The following OTC variants were observed in gnomAD, a reference collection of about 807,000 sequenced individuals.
OTC encodes the protein ornithine transcarbamylase, mitochondrial.
Under a neutral mutation model 30.3 loss-of-function variants are expected in OTC, and 3 were observed. The observed-to-expected ratio is 0.10, with a 90% confidence interval of 0.05 to 0.26. The LOEUF is 0.26. OTC is among the 10% of genes least tolerant of loss of function. The pLI, the probability that OTC is intolerant of heterozygous loss-of-function variation, is 1.00. For synonymous variants in OTC, 111 were observed against 99.7 expected (o/e 1.11, Z -0.67); for missense variants, 194 against 260.3 (o/e 0.75, Z 1.75).
intron 4 of OTC, among the ~76,000 whole-genome samples, chrX:38,384,337 G>A (rs766316926): frequency 9.0e-6 from 1 of 111,711 alleles, no homozygotes; most frequent in Admixed American, 9.5e-5. Flanking sequence ...AGAAAAAGGA[G>A]TAGAGTAGCT....
rs780493982 is a variant in OTC, at chrX:38,374,744, T to A, written c.298+4867T>A. 7.0e-4 allele frequency among the ~76,000 whole-genome samples: 78 copies of A among 112,003 alleles called. 3 individuals are homozygous for A. The highest frequency in any genetic ancestry group is 6.5e-3 in the East Asian group (23 of 3,527). ...AGACCTACCAGGAGGTCCGAAACTT[T>A]GTTTGAAGTCTTCATCCATAGTCCT... On this transcript the variant is annotated intron_variant, in intron 3 of 9. Coordinates refer to ENST00000039007, the MANE Select transcript of OTC (RefSeq NM_000531.6).
At chrX:38,392,870 C>T (rs985646843) in intron 4 of OTC, among the ~76,000 whole-genome samples, 2 of 112,361 alleles carry the variant, frequency 1.8e-5, no homozygotes, top group Non-Finnish European at 3.8e-5. Flanking sequence ...AGGGATATTC[C>T]GCACTCTTTG....
At chrX:38,344,317 C>A in the OTC span, among the ~76,000 whole-genome samples, 1 of 110,042 alleles carries the variant, frequency 9.1e-6, no homozygotes, top group East Asian at 2.9e-4. Flanking sequence ...GGGTGATTTC[C>A]TTTACTATAA....
At chrX:38,397,301 G>A (rs1569278624) in intron 4 of OTC, among the ~76,000 whole-genome samples, 2 of 111,325 alleles carry the variant, frequency 1.8e-5, no homozygotes, top group African/African-American at 6.5e-5. Flanking sequence ...TGAAAAATGG[G>A]AGCTCCTTTA....
the OTC span, among the ~76,000 whole-genome samples, chrX:38,336,394 G>A: frequency 9.2e-6 from 1 of 108,619 alleles, no homozygotes; most frequent in East Asian, 2.9e-4. Context: ...CCAACCAGAA[G>A]CTAGAAGATA....
At chrX:38,354,300 C>G (rs1325080872) in intron 1 of OTC, among the ~76,000 whole-genome samples, 1 of 111,623 alleles carries the variant, frequency 9.0e-6, no homozygotes, top group Non-Finnish European at 1.9e-5. Context: ...GACCAATGTT[C>G]ATTATTTATT....
intron 4 of OTC, among the ~76,000 whole-genome samples, chrX:38,386,229 C>G (rs1018166558): frequency 5.6e-5 from 6 of 107,345 alleles, no homozygotes; most frequent in Non-Finnish European, 1.2e-4. Flanking sequence ...AAAAATTAGC[C>G]AGGCGTGGTG....
At chrX:38,371,878 A>G (rs558655047) in intron 3 of OTC, among the ~76,000 whole-genome samples, 1 of 112,466 alleles carries the variant, frequency 8.9e-6, no homozygotes, top group Middle Eastern at 4.6e-3. Flanking sequence ...AGCAATTCTC[A>G]AATTCTGCTC....
chrX:38,352,715 A>G lies in OTC; in HGVS notation c.19A>G (p.Ile7Val), dbSNP rs767170971. ...AAAGAAGATGCTGTTTAATCTGAGG[A>G]TCCTGTTAAACAATGCAGCTTTTAG... Reference protein sequence around the residue: MLFNLRILLNNAAFRNG... With the variant: MLFNLRVLLNNAAFRNG... The change falls in exon 1 of 10, where the codon ATC becomes GTC. Residue 7 changes from isoleucine (I) to valine (V), a missense_variant. Physicochemically the swap from Ile to Val is conservative, Grantham distance 29. Transcript: ENST00000039007. 8.3e-7 allele frequency: 1 copy of G among 1,205,789 alleles called. No individual in the cohort carries two copies. The highest frequency in any genetic ancestry group is 1.1e-6 in the Non-Finnish European group (1 of 890,013).
In OTC at chrX:38,381,440, ATTTTC is replaced by A. The variant is rs1475697001; in HGVS notation, c.386+14_386+18del. On this transcript the variant is annotated intron_variant, in intron 4 of 9. Transcript: ENST00000039007. ...CACGGACACGGCCCGGTTTGTAAATATTTTCTTCTCTCCAAAGCTGATTTCAGAAT... is the reference window on the plus strand; with the variant it reads ...CACGGACACGGCCCGGTTTGTAAATATTCTCTCCAAAGCTGATTTCAGAAT... 2.7e-6 allele frequency: 3 copies of A among 1,091,011 alleles called. No individual in the cohort carries two copies. In the African/African-American group the frequency reaches 5.5e-5, roughly 20 times the overall value. 89.9% of individuals were successfully genotyped at this position (1,091,011 alleles called of 1,213,427 possible). A position where few individuals can be genotyped will look rare whatever the true frequency, so the allele number is the denominator to read the frequency against.
At chrX:38,364,232 G>A (rs1014179317) in intron 1 of OTC, among the ~76,000 whole-genome samples, 5 of 111,426 alleles carry the variant, frequency 4.5e-5, no homozygotes, top group African/African-American at 1.6e-4. Context: ...TAATCTATTA[G>A]TATAGCAGCA....
At chrX:38,351,472 T>A (rs545992627), upstream of OTC, among the ~76,000 whole-genome samples, 5 of 111,576 alleles carry the variant, frequency 4.5e-5, no homozygotes, top group African/African-American at 1.6e-4. Flanking sequence ...GCTTGTATTA[T>A]GGATATTTGT....
chrX:38,412,404 A>C, intron 9 of OTC, among the ~76,000 whole-genome samples: 1 of 111,654 alleles, frequency 9.0e-6, no homozygotes, highest in Non-Finnish European at 1.9e-5. Context: ...CTTTTTCCTC[A>C]TTCCATGCCT....
In OTC at chrX:38,407,420, A is replaced by G. The variant is rs977890984; in HGVS notation, c.664-1322A>G. Among the ~76,000 whole-genome samples, 5 of 112,251 alleles carry G rather than the reference A, an allele frequency of 4.5e-5. No homozygotes were observed. The Admixed American group carries it at 4.7e-4, about 11-fold the overall frequency. On this transcript the variant is annotated intron_variant, in intron 6 of 9. Coordinates refer to ENST00000039007, the MANE Select transcript of OTC (RefSeq NM_000531.6). ...GAGGGGGATCTCGGGAGCATACCACAGCGTTCACCACAATGCTTCAGTGAA... is the reference window on the plus strand; with the variant it reads ...GAGGGGGATCTCGGGAGCATACCACGGCGTTCACCACAATGCTTCAGTGAA...
In OTC at chrX:38,393,323, C is replaced by T. The variant is rs938459075; in HGVS notation, c.387-7952C>T. On this transcript the variant is annotated intron_variant, in intron 4 of 9. Coordinates refer to ENST00000039007, the MANE Select transcript of OTC (RefSeq NM_000531.6). ...AGGAAAAAATACACGTAAAATACCA[C>T]GTTGTTTACATAGCCGATTATTATT... Among the ~76,000 whole-genome samples, 13 of 112,539 alleles carry T rather than the reference C, an allele frequency of 1.2e-4. No individual in the cohort carries two copies. In the East Asian group the frequency reaches 3.1e-3, roughly 26 times the overall value.
chrX:38,352,821 G>A (rs1361886422), intron 1 of OTC, 48 bp downstream of exon 1: 12 of 921,769 alleles, frequency 1.3e-5, no homozygotes, highest in African/African-American at 5.8e-5. Flanking sequence ...TCATGGTGAT[G>A]CATAAAACTA....
At chrX:38,371,714 G>C (rs945982688) in intron 3 of OTC, among the ~76,000 whole-genome samples, 11 of 111,805 alleles carry the variant, frequency 9.8e-5, no homozygotes, top group African/African-American at 3.6e-4. Flanking sequence ...TCCCCCTAAA[G>C]AGAAGGAAGG....
At chrX:38,331,778 G>A in the OTC span, among the ~76,000 whole-genome samples, 393 of 109,932 alleles carry the variant, frequency 3.6e-3, 1 homozygote, top group African/African-American at 0.013. Context: ...GATGGGGTTT[G>A]GCCACATTGC....
rs2068502926 is a variant in OTC, at chrX:38,403,751, T to C, written c.663+11T>C. 1 of 1,209,182 alleles carries C rather than the reference T, an allele frequency of 8.3e-7. No homozygotes were observed. Among genetic ancestry groups the C allele is most frequent in the Non-Finnish European group, 1.1e-6 (1 of 893,361 alleles). On this transcript the variant is annotated intron_variant, in intron 6 of 9. Coordinates refer to ENST00000039007, the MANE Select transcript of OTC (RefSeq NM_000531.6). ...GCAGCTACTCCAAAGGTAGGGAAAC[T>C]TTTTGCCTTGAAACTAACCCCTCTC...
Sources: allele counts gnomAD v4.1 joint callset (sites outside exome capture counted in the v4.1 genomes callset), GRCh38; gene constraint gnomAD v4.1.1; transcripts MANE v1.5; gene names NCBI Gene and HGNC (gene_info 2026-07-23, HGNC 2026-07-21).